Variants in XIRP2 observed in about 807,000 individuals in gnomAD.
XIRP2 encodes the protein xin actin binding repeat containing 2.
XIRP2 carries 236 observed loss-of-function variants against 277.0 expected under a neutral mutation model. The ratio of observed to expected loss-of-function variants is 0.85; its 90% CI spans 0.77 to 0.95. The LOEUF (loss-of-function observed/expected upper bound fraction) is 0.95. Ranked by LOEUF, XIRP2 falls within the 40% of genes least tolerant of loss-of-function variation. The probability of loss-of-function intolerance (pLI) is 0.00; values close to 1 mark genes in which losing one functional copy is unlikely to be tolerated. For synonymous variants in XIRP2, 1,490 were observed against 1,416.5 expected (o/e 1.05, Z -1.17); for missense variants, 4,640 against 4,157.5 (o/e 1.12, Z -3.19).
intron 2 of XIRP2, among the ~76,000 whole-genome samples, chr2:166,998,843 C>T (rs1448080947): frequency 6.6e-6 from 1 of 152,152 alleles, no homozygotes; most frequent in Non-Finnish European, 1.5e-5. Flanking sequence ...TGGTGGATCC[C>T]TGAACCACCT....
intron 3 of XIRP2, among the ~76,000 whole-genome samples, chr2:167,161,378 C>A (rs1178502370): frequency 8.5e-5 from 13 of 152,240 alleles, no homozygotes; most frequent in Admixed American, 3.9e-4. Flanking sequence ...CGCATGAGAG[C>A]ACTGCCCCTG....
intron 2 of XIRP2, among the ~76,000 whole-genome samples, chr2:167,131,355 T>C (rs868737170): frequency 1.4e-4 from 21 of 152,138 alleles, no homozygotes; most frequent in African/African-American, 4.8e-4. Context: ...TTTCAACATA[T>C]GCAAAACTCT....
chr2:167,128,822 T>A (rs1691291506), intron 2 of XIRP2, among the ~76,000 whole-genome samples: 1 of 152,194 alleles, frequency 6.6e-6, no homozygotes, highest in Admixed American at 6.5e-5. Flanking sequence ...TGATGTATCT[T>A]TCCCTGCCAT....
chr2:167,242,519 C>A (rs374936331), intron 8 of XIRP2, 50 bp from the exon 9 acceptor site: 19 of 1,549,218 alleles, frequency 1.2e-5, no homozygotes, highest in Non-Finnish European at 3.5e-6. Flanking sequence ...CCTAGGAAGC[C>A]TCTGCCACTA....
At chr2:167,170,461 T>A (rs561738967) in intron 3 of XIRP2, among the ~76,000 whole-genome samples, 138 of 152,308 alleles carry the variant, frequency 9.1e-4, no homozygotes, top group African/African-American at 3.2e-3. Flanking sequence ...GGAGATAATT[T>A]AAATTAAAAT....
At chr2:166,978,391 A>G (rs1255869791) in intron 2 of XIRP2, among the ~76,000 whole-genome samples, 1 of 152,170 alleles carries the variant, frequency 6.6e-6, no homozygotes, top group Admixed American at 6.6e-5. Context: ...TAATTTTAGA[A>G]GTAGCTTATA....
intron 2 of XIRP2, among the ~76,000 whole-genome samples, chr2:167,095,591 G>C (rs1454821135): frequency 6.6e-6 from 1 of 152,050 alleles, no homozygotes; most frequent in Non-Finnish European, 1.5e-5. Context: ...TTCGTCTTTG[G>C]TTCTGTTTAT....
intron 2 of XIRP2, among the ~76,000 whole-genome samples, chr2:166,927,415 T>A (rs1685217426): frequency 6.6e-6 from 1 of 152,152 alleles, no homozygotes; most frequent in Non-Finnish European, 1.5e-5. Flanking sequence ...TTGGCAAGTC[T>A]GCATTTTTTT....
chr2:166,944,622 C>T (rs764927786), intron 2 of XIRP2, among the ~76,000 whole-genome samples: 10 of 152,148 alleles, frequency 6.6e-5, no homozygotes, highest in Non-Finnish European at 1.0e-4. Flanking sequence ...AAACAGAGTT[C>T]ATGTGTTCAT....
In XIRP2 at chr2:167,258,516, A is replaced by G; in HGVS notation, c.*699A>G. 2 of 1,613,166 alleles carry G rather than the reference A, an allele frequency of 1.2e-6. No homozygotes were observed. Among genetic ancestry groups the G allele is most frequent in the Non-Finnish European group, 1.7e-6 (2 of 1,179,588 alleles). On this transcript the variant is annotated 3_prime_UTR_variant, in exon 11 of 11. Transcript: ENST00000409195. ...AAGAGTAACAGGAAAAGTGCTATGG[A>G]TCTTAATGACAACAATAATGTGATT...
intron 2 of XIRP2, among the ~76,000 whole-genome samples, chr2:167,120,630 G>A (rs568129080): frequency 6.6e-6 from 1 of 152,202 alleles, no homozygotes; most frequent in East Asian, 1.9e-4. Context: ...AGAAGATAAA[G>A]ACTCATCTTT....
rs754476317 is a variant in XIRP2, at chr2:167,251,855, G to T, written c.10463G>T (p.Gly3488Val). ...TTTCAAAAGACGTGGCAAGAGAGTG[G>T]AAGAGTTTTTAAAGGCCTGGGATAT... The part of the protein sequence containing the change: ...KNFQKTWQES[G>V]RVFKGLGYAT... Residue 3488 changes from glycine to valine, a missense_variant, in exon 9 of 11, where the codon GGA becomes GTA. Transcript: ENST00000409195. The T allele has an allele frequency of 3.7e-6, 6 of 1,612,370 alleles. No homozygotes were observed. The highest frequency in any genetic ancestry group is 5.1e-6 in the Non-Finnish European group (6 of 1,179,282).
intron 3 of XIRP2, among the ~76,000 whole-genome samples, chr2:167,151,052 A>G (rs1692000759): frequency 6.6e-6 from 1 of 152,040 alleles, no homozygotes; most frequent in African/African-American, 2.4e-5. Flanking sequence ...CTGTTTTGAG[A>G]TTTAGCTCAA....
chr2:167,194,820 C>G (rs1693453179), intron 3 of XIRP2, among the ~76,000 whole-genome samples: 1 of 152,080 alleles, frequency 6.6e-6, no homozygotes, highest in African/African-American at 2.4e-5. Context: ...AGTCTTATTT[C>G]AAAGATTAAA....
chr2:167,065,655 G>T (rs1689284700), intron 2 of XIRP2, among the ~76,000 whole-genome samples: 1 of 151,646 alleles, frequency 6.6e-6, no homozygotes, highest in African/African-American at 2.4e-5. Context: ...GTGTTTTTGT[G>T]TTCCTCCACA....
intron 2 of XIRP2, among the ~76,000 whole-genome samples, chr2:167,043,356 G>C (rs1160021454): frequency 6.6e-6 from 1 of 151,538 alleles, no homozygotes; most frequent in African/African-American, 2.4e-5. Context: ...ATAAAATTGA[G>C]AACACAAAAA....
At chr2:167,157,547 T>G (rs1343733650) in intron 3 of XIRP2, among the ~76,000 whole-genome samples, 1 of 152,068 alleles carries the variant, frequency 6.6e-6, no homozygotes, top group Non-Finnish European at 1.5e-5. Context: ...TCTCCATTTA[T>G]TCTAGAACCA....
At chr2:166,969,939 T>TA (rs549876956) in intron 2 of XIRP2, among the ~76,000 whole-genome samples, 4,592 of 149,932 alleles carry the variant, frequency 0.031, 101 homozygotes, top group East Asian at 0.082. Context: ...AAACTAAAAT[T>TA]AAAAAAAAAA....
intron 3 of XIRP2, among the ~76,000 whole-genome samples, chr2:167,167,190 C>T (rs1270133153): frequency 1.3e-5 from 2 of 151,978 alleles, no homozygotes; most frequent in African/African-American, 2.4e-5. Context: ...GTATACCTTT[C>T]TTTATCCATT....
Sources: gnomAD v4.1 joint callset for allele counts (sites outside exome capture counted in the v4.1 genomes callset) on GRCh38, gnomAD v4.1.1 for gene constraint, MANE v1.5 for transcripts, NCBI Gene and HGNC (gene_info 2026-07-23, HGNC 2026-07-21) for gene names.